GPR149: variants seen among roughly 807,000 people sequenced by gnomAD.
GPR149 encodes the protein G protein-coupled receptor 149.
Under a neutral mutation model 50.2 loss-of-function variants are expected in GPR149, and 50 were observed. That is an observed-to-expected ratio of 1.00 (90% CI 0.79 to 1.26). The LOEUF (loss-of-function observed/expected upper bound fraction) is 1.26, where lower values mean the gene tolerates loss of function less well. GPR149 is among the 50% of genes most tolerant of loss of function. The pLI is 0.00. For missense variants in GPR149, 983 were observed against 895.4 expected, an observed-to-expected ratio of 1.10 and a Z score of -1.25; for synonymous variants, 405 against 358.2, an observed-to-expected ratio of 1.13 and a Z score of -1.48.
At chr3:154,424,966 A>G (rs1405235521) in intron 2 of GPR149, among the ~76,000 whole-genome samples, 1 of 151,974 alleles carries the variant, frequency 6.6e-6, no homozygotes, top group African/African-American at 2.4e-5. Flanking sequence ...CATGTCAGGC[A>G]AACAAAATGA....
At chr3:154,338,635 A>G (rs552572431) in intron 3 of GPR149, among the ~76,000 whole-genome samples, 1 of 152,382 alleles carries the variant, frequency 6.6e-6, no homozygotes, top group East Asian at 1.9e-4. Context: ...TTTTTGTTAC[A>G]TACTCAGTTA....
chr3:154,339,947 C>A (rs1204314351), intron 3 of GPR149, among the ~76,000 whole-genome samples: 3 of 151,432 alleles, frequency 2.0e-5, no homozygotes, highest in Non-Finnish European at 4.4e-5. Context: ...CCACCACCAC[C>A]CCCGCCTAAT....
intron 3 of GPR149, among the ~76,000 whole-genome samples, chr3:154,405,665 A>C (rs28707597): frequency 0.29 from 42,979 of 150,190 alleles, 6,458 homozygotes; most frequent in African/African-American, 0.35. Flanking sequence ...AAAGACGATA[A>C]CTCACTGTGG....
At chr3:154,393,554 A>T (rs764797853) in intron 3 of GPR149, among the ~76,000 whole-genome samples, 3 of 152,020 alleles carry the variant, frequency 2.0e-5, no homozygotes, top group Non-Finnish European at 4.4e-5. Context: ...ACTTTTATTC[A>T]GCATAGTAGA....
chr3:154,387,755 T>C (rs773091271), intron 3 of GPR149, among the ~76,000 whole-genome samples: 1 of 152,170 alleles, frequency 6.6e-6, no homozygotes, highest in Non-Finnish European at 1.5e-5. Context: ...ATTATCATTA[T>C]ATCAAGCAAG....
intron 3 of GPR149, among the ~76,000 whole-genome samples, chr3:154,375,837 A>T (rs1055328075): frequency 2.2e-4 from 34 of 152,166 alleles, no homozygotes; most frequent in Non-Finnish European, 3.4e-4. Context: ...CAATCCACTG[A>T]GGGCCTAAAT....
In GPR149 at chr3:154,427,617, G is replaced by T; in HGVS notation, c.1073C>A (p.Thr358Asn). The T allele has an allele frequency of 3.7e-6, 6 of 1,614,212 alleles. No homozygotes were observed. The highest frequency in any genetic ancestry group is 5.1e-6 in the Non-Finnish European group (6 of 1,180,020). ...FLLTLLATTV[T>N]PVFVLSKRWT... ...GCGTTTGGACAAGACAAACACTGGG[G>T]TTACAGTGGTGGCCAGCAGGGTAAG... The change falls in exon 2 of 4, where the codon ACC becomes AAC. Residue 358 changes from threonine to asparagine, a missense_variant. Coordinates refer to ENST00000389740, the MANE Select transcript of GPR149 (RefSeq NM_001038705.3).
rs1251563191 is a variant in GPR149 at position 154,429,514 on chromosome 3, G to C, written c.102C>G (p.Ile34Met). Residue 34 changes from isoleucine (I) to methionine (M), a missense_variant, in exon 1 of 4, where the codon ATC (isoleucine) becomes ATG (methionine). By Grantham distance (10) the Ile-to-Met change is conservative (BLOSUM62 1). Transcript: ENST00000389740. Reference protein sequence around the residue: ...DLLNPPGTLNIYLFCLTCLMT... With the variant: ...DLLNPPGTLNMYLFCLTCLMT... ...TGAGACATGTCAAGCAAAAAAGATAGATATTCAGGGTTCCTGGCGGATTTA... is the reference window on the plus strand; with the variant it reads ...TGAGACATGTCAAGCAAAAAAGATACATATTCAGGGTTCCTGGCGGATTTA... 2.5e-6 allele frequency: 4 copies of C among 1,614,156 alleles called. No homozygotes were observed. Among genetic ancestry groups the C allele is most frequent in the Non-Finnish European group, 2.5e-6 (3 of 1,180,026 alleles).
intron 3 of GPR149, among the ~76,000 whole-genome samples, chr3:154,373,005 T>A (rs923609747): frequency 6.6e-6 from 1 of 152,154 alleles, no homozygotes; most frequent in African/African-American, 2.4e-5. Flanking sequence ...GGAGATTGGG[T>A]CTAGGGCATG....
intron 3 of GPR149, among the ~76,000 whole-genome samples, chr3:154,411,712 T>C (rs2108424004): frequency 6.6e-6 from 1 of 152,028 alleles, no homozygotes; most frequent in Middle Eastern, 3.4e-3. Context: ...AATTAAAAAT[T>C]TGCCAACCAA....
chr3:154,428,123 CTTCCTCCT>C (rs1712360697), intron 1 of GPR149, among the ~76,000 whole-genome samples: 1 of 152,182 alleles, frequency 6.6e-6, no homozygotes, highest in Non-Finnish European at 1.5e-5. Flanking sequence ...TCTTAATCGG[CTTCCTCCT>C]GGAAGGAGGA....
At chr3:154,372,796 AAG>A (rs1714695027) in intron 3 of GPR149, among the ~76,000 whole-genome samples, 1 of 152,214 alleles carries the variant, frequency 6.6e-6, no homozygotes, top group Non-Finnish European at 1.5e-5. Context: ...GCGGCAGAGA[AAG>A]AGGAGTTAAG....
intron 3 of GPR149, among the ~76,000 whole-genome samples, chr3:154,415,959 G>C (rs529971445): frequency 6.6e-6 from 1 of 151,880 alleles, no homozygotes; most frequent in African/African-American, 2.4e-5. Flanking sequence ...GCTATAAATA[G>C]GTTTTAAGTG....
intron 3 of GPR149, among the ~76,000 whole-genome samples, chr3:154,416,371 T>A (rs188315542): frequency 1.3e-5 from 2 of 151,924 alleles, no homozygotes; most frequent in Non-Finnish European, 2.9e-5. Context: ...ATCTGGAAGC[T>A]TATTAGGAAT....
chr3:154,359,009 A>G (rs184662832), intron 3 of GPR149, among the ~76,000 whole-genome samples: 113 of 152,302 alleles, frequency 7.4e-4, no homozygotes, highest in Non-Finnish European at 1.8e-4. Flanking sequence ...GATGACTTCT[A>G]TATCACTATA....
intron 3 of GPR149, among the ~76,000 whole-genome samples, chr3:154,370,462 C>T (rs1249192182): frequency 6.6e-6 from 1 of 152,154 alleles, no homozygotes; most frequent in Non-Finnish European, 1.5e-5. Context: ...TGCAAGGACA[C>T]TTTAAGAAAA....
chr3:154,343,168 G>A (rs1165937412), intron 3 of GPR149, among the ~76,000 whole-genome samples: 1 of 152,068 alleles, frequency 6.6e-6, no homozygotes, highest in Non-Finnish European at 1.5e-5. Flanking sequence ...GTTAAAAATA[G>A]TCATGAGAAA....
At chr3:154,358,034 G>T (rs903833012) in intron 3 of GPR149, among the ~76,000 whole-genome samples, 1 of 151,592 alleles carries the variant, frequency 6.6e-6, no homozygotes, top group Admixed American at 6.6e-5. Context: ...GCAAACTATC[G>T]CAAGGACAAA....
chr3:154,408,265 A>G (rs1711748378), intron 3 of GPR149, among the ~76,000 whole-genome samples: 2 of 152,230 alleles, frequency 1.3e-5, no homozygotes, highest in Non-Finnish European at 2.9e-5. Flanking sequence ...GGAGACTCAC[A>G]TCATGAACTT....
Sources: gnomAD v4.1 joint callset for allele counts (sites outside exome capture counted in the v4.1 genomes callset) on GRCh38, gnomAD v4.1.1 for gene constraint, MANE v1.5 for transcripts, NCBI Gene and HGNC (gene_info 2026-07-23, HGNC 2026-07-21) for gene names.